Variants in SUN1 observed in about 807,000 individuals in gnomAD.
The protein encoded by SUN1 is SUN domain-containing protein 1.
SUN1 carries 61 observed loss-of-function variants against 103.2 expected under a neutral mutation model. That is an observed-to-expected ratio of 0.59 (90% CI 0.48 to 0.73). The LOEUF is 0.73. SUN1 is among the 30% of genes least tolerant of loss of function. SUN1 has a pLI of 0.00. For synonymous variants in SUN1, 490 were observed against 425.7 expected, an observed-to-expected ratio of 1.15 and a Z score of -1.86; for missense variants, 1,052 against 1,034.6, an observed-to-expected ratio of 1.02 and a Z score of -0.23.
upstream of SUN1, chr7:831,130 TCA>T (rs1797539279): frequency 1.8e-6 from 1 of 551,220 alleles, no homozygotes; most frequent in Admixed American, 6.3e-5. Flanking sequence ...GATTAAGTGA[TCA>T]CAGTTAGTTT....
chr7:874,629 C>T lies in SUN1; in HGVS notation c.*1298C>T, dbSNP rs1217285502. ...TTTTTCACTCTCCTTAGAATTGGAA[C>T]TATGCAGTTAAGGCAGATAAAATGT... On this transcript the variant is annotated 3_prime_UTR_variant, in exon 19 of 19. Transcript: ENST00000401592. The T allele has an allele frequency of 6.6e-6, 1 of 152,272 alleles. No individual in the cohort carries two copies. Among genetic ancestry groups the T allele is most frequent in the East Asian group, 1.9e-4 (1 of 5,190 alleles). 9.4% of individuals were successfully genotyped at this position (152,272 alleles called of 1,614,324 possible). A position where few individuals can be genotyped will look rare whatever the true frequency, so the allele number is the denominator to read the frequency against.
intron 1 of SUN1, among the ~76,000 whole-genome samples, chr7:838,298 G>GCAGTTGT (rs1245273333): frequency 6.6e-6 from 1 of 152,230 alleles, no homozygotes; most frequent in Admixed American, 6.5e-5. Flanking sequence ...CAGGCTCAAA[G>GCAGTTGT]CAGTTGTGAA....
At chr7:850,134 G>A (rs745392948) in intron 5 of SUN1, 6 of 1,091,462 alleles carry the variant, frequency 5.5e-6, no homozygotes, top group Non-Finnish European at 5.3e-6. Flanking sequence ...AAGTCTTGCT[G>A]TAAAAACTGA....
At chr7:872,075 C>T (rs566316512) in intron 17 of SUN1, among the ~76,000 whole-genome samples, 7 of 152,202 alleles carry the variant, frequency 4.6e-5, no homozygotes, top group Non-Finnish European at 8.8e-5. Flanking sequence ...GGCCCCTCCT[C>T]CTGCTGGTGA....
Position 832,539 on chromosome 7 carries a change from G to C in SUN1, c.15G>C (p.Arg5=). The C allele has an allele frequency of 6.2e-7, 1 of 1,613,350 alleles. No individual in the cohort carries two copies. The highest frequency in any genetic ancestry group is 8.5e-7 in the Non-Finnish European group (1 of 1,179,644). Residue 5 remains arginine (R), a synonymous_variant, in exon 1 of 19, where the codon CGG becomes CGC. Coordinates refer to ENST00000401592, the MANE Select transcript of SUN1 (RefSeq NM_001130965.3). ...AAGTGGTGAACATGGATTTTTCTCG[G>C]CTTCACATGTACAGTCCTCCCCAGT... MDFS[R]LHMYSPPQCV...
intron 1 of SUN1, among the ~76,000 whole-genome samples, chr7:817,876 C>T (rs73043546): frequency 1.3e-5 from 2 of 152,102 alleles, no homozygotes; most frequent in Admixed American, 1.3e-4. Flanking sequence ...AAGGCTTGGG[C>T]TGGCTTTATA....
chr7:828,922 C>T (rs996547233), upstream of SUN1, among the ~76,000 whole-genome samples: 2 of 152,234 alleles, frequency 1.3e-5, no homozygotes, highest in African/African-American at 4.8e-5. Context: ...AGCTCCTATT[C>T]TCAGCATCCT....
rs1832149591 is a variant in SUN1 at position 861,430 on chromosome 7, G to A, written c.1830G>A (p.Lys610=). ...CCTTGAAGCTGTATTCCCAAGATAA[G>A]ACCGGGATGGTGGACTTTGCTCTGG... The part of the protein sequence containing the change: ...NSALKLYSQD[K]TGMVDFALES... Residue 610 remains lysine (K), a synonymous_variant, in exon 15 of 19, where the codon AAG becomes AAA. Transcript: ENST00000401592. 6.2e-7 allele frequency: 1 copy of A among 1,614,202 alleles called. No individual in the cohort carries two copies. Among genetic ancestry groups the A allele is most frequent in the Non-Finnish European group, 8.5e-7 (1 of 1,180,044 alleles).
At chr7:817,590 T>G in intron 1 of SUN1, 1 of 1,453,974 alleles carries the variant, frequency 6.9e-7, no homozygotes. Context: ...CTGCCCATAA[T>G]TGTGTCTTCT....
chr7:840,078 C>T (rs1021017893), intron 2 of SUN1, among the ~76,000 whole-genome samples: 4 of 152,258 alleles, frequency 2.6e-5, no homozygotes, highest in East Asian at 1.9e-4. Context: ...TAAGAGCTTC[C>T]GTTCCAGTCA....
upstream of SUN1, chr7:831,010 T>G (rs991704534): frequency 2.3e-5 from 23 of 985,434 alleles, no homozygotes; most frequent in Non-Finnish European, 2.5e-5. Context: ...GCCAAGGCCC[T>G]GTCCTGTGCC....
At chr7:832,709 TTTTG>T in intron 1 of SUN1, 108 bp downstream of exon 1, 1 of 839,750 alleles carries the variant, frequency 1.2e-6, no homozygotes, top group Admixed American at 2.3e-5. Flanking sequence ...ACATGCTGTA[TTTTG>T]AAGGTGAAAA....
At chr7:862,680 C>CTTA (rs1267845836) in intron 15 of SUN1, among the ~76,000 whole-genome samples, 1 of 152,190 alleles carries the variant, frequency 6.6e-6, no homozygotes, top group African/African-American at 2.4e-5. Flanking sequence ...CTAGTGAATC[C>CTTA]TTACAGGTTT....
chr7:838,725 T>A, intron 1 of SUN1, 73 bp from the exon 2 acceptor site: 7 of 1,391,678 alleles, frequency 5.0e-6, no homozygotes, highest in Non-Finnish European at 6.7e-6. Context: ...ACTTTCAGTT[T>A]ATGGTTTGTT....
chr7:820,884 T>G (rs894653628), intron 1 of SUN1, among the ~76,000 whole-genome samples: 1 of 152,182 alleles, frequency 6.6e-6, no homozygotes, highest in Non-Finnish European at 1.5e-5. Flanking sequence ...ACACCCTCAC[T>G]TCCAATTGTA....
chr7:860,404 A>G (rs1318805367), intron 14 of SUN1, 22 bp downstream of exon 14: 1 of 1,608,702 alleles, frequency 6.2e-7, no homozygotes, highest in East Asian at 2.2e-5. Flanking sequence ...AGTCGGCGGC[A>G]AGAGATGCTT....
At chr7:861,209 G>A (rs548458600) in intron 14 of SUN1, among the ~76,000 whole-genome samples, 171 bp from the exon 15 acceptor site, 69 of 152,294 alleles carry the variant, frequency 4.5e-4, no homozygotes, top group African/African-American at 1.6e-3. Flanking sequence ...CTTGGCAGTC[G>A]GGCGCAGGAC....
intron 16 of SUN1, among the ~76,000 whole-genome samples, chr7:867,205 C>T (rs1837681407): frequency 6.6e-6 from 1 of 152,242 alleles, no homozygotes; most frequent in African/African-American, 2.4e-5. Context: ...CGCACGGGCT[C>T]ACCAGCACTT....
upstream of SUN1, chr7:831,119 G>A: frequency 1.7e-6 from 1 of 596,826 alleles, no homozygotes; most frequent in East Asian, 1.4e-4. Flanking sequence ...ACTATTACGT[G>A]GATTAAGTGA....
Sources: allele counts gnomAD v4.1 joint callset (sites outside exome capture counted in the v4.1 genomes callset), GRCh38; gene constraint gnomAD v4.1.1; transcripts MANE v1.5; gene names NCBI Gene and HGNC (gene_info 2026-07-23, HGNC 2026-07-21).